The following WNK1 variants were observed in gnomAD, a reference collection of about 807,000 sequenced individuals.
The protein encoded by WNK1 is WNK lysine deficient protein kinase 1.
Under a neutral mutation model 222.8 loss-of-function variants are expected in WNK1, and 38 were observed. The observed-to-expected ratio is 0.17, with a 90% confidence interval of 0.13 to 0.22. WNK1 has a LOEUF of 0.22. Among genes scored for constraint, WNK1 ranks in the 10% least tolerant of loss-of-function variants. The probability of loss-of-function intolerance (pLI) is 1.00; values close to 1 mark genes in which losing one functional copy is unlikely to be tolerated. For missense variants in WNK1, 2,348 were observed against 2,918.4 expected (o/e 0.80, Z 4.50); for synonymous variants, 1,090 against 1,092.9 (o/e 1.00, Z 0.05).
chr12:825,245 A>C (rs1242320766), intron 2 of WNK1, among the ~76,000 whole-genome samples: 2 of 152,206 alleles, frequency 1.3e-5, no homozygotes, highest in Non-Finnish European at 2.9e-5. Flanking sequence ...TTTAAACCAT[A>C]AAACCCACTT....
chr12:824,020 C>T (rs1031186703), intron 2 of WNK1, among the ~76,000 whole-genome samples: 1 of 150,640 alleles, frequency 6.6e-6, no homozygotes, highest in South Asian at 2.1e-4. Flanking sequence ...GATTCTCCAA[C>T]CTCAGCCTCC....
intron 5 of WNK1, among the ~76,000 whole-genome samples, chr12:858,919 A>C (rs1185081061): frequency 6.6e-6 from 1 of 152,208 alleles, no homozygotes; most frequent in African/African-American, 2.4e-5. Context: ...ACTATTACTA[A>C]TAAGATCATT....
At chr12:890,831 A>C (rs1954152909) in intron 22 of WNK1, among the ~76,000 whole-genome samples, 2 of 152,210 alleles carry the variant, frequency 1.3e-5, no homozygotes, top group Admixed American at 6.5e-5. Context: ...CTTTTGTGAC[A>C]CTGGATATAT....
chr12:814,313 T>A (rs1222104115), intron 2 of WNK1, among the ~76,000 whole-genome samples: 1 of 145,860 alleles, frequency 6.9e-6, no homozygotes, highest in Non-Finnish European at 1.5e-5. Context: ...TAGGTGAGAC[T>A]CTGTCTCCAA....
At chr12:895,435 CTTTTA>C (rs1325488657) in intron 23 of WNK1, among the ~76,000 whole-genome samples, 1 of 151,848 alleles carries the variant, frequency 6.6e-6, no homozygotes, top group Admixed American at 6.6e-5. Flanking sequence ...TATTTATTTA[CTTTTA>C]TTTTATTTTT....
At chr12:758,480 TG>T (rs1310567969) in intron 1 of WNK1, among the ~76,000 whole-genome samples, 1 of 132,748 alleles carries the variant, frequency 7.5e-6, no homozygotes, top group Non-Finnish European at 1.6e-5. Flanking sequence ...CTCCACTTCC[TG>T]GGTTCACGCC....
chr12:850,696 G>T (rs1386537155), intron 4 of WNK1, among the ~76,000 whole-genome samples: 1 of 152,184 alleles, frequency 6.6e-6, no homozygotes, highest in Non-Finnish European at 1.5e-5. Flanking sequence ...GGTTTTTATG[G>T]TTTTAGGTCT....
At chr12:905,158 G>C (rs1955593756) in intron 26 of WNK1, among the ~76,000 whole-genome samples, 1 of 152,130 alleles carries the variant, frequency 6.6e-6, no homozygotes, top group African/African-American at 2.4e-5. Context: ...ACTTATTAGG[G>C]CTTTTCAGAA....
chr12:908,344 A>C, intron 27 of WNK1, 131 bp from the exon 28 acceptor site: 1 of 1,007,040 alleles, frequency 9.9e-7, no homozygotes, highest in Non-Finnish European at 1.5e-6. Context: ...TGGTAAATAT[A>C]AAGAGCCAAT....
chr12:884,863 A>G lies in WNK1; in HGVS notation c.4059A>G (p.Thr1353=). 6.2e-7 allele frequency: 1 copy of G among 1,614,192 alleles called. No homozygotes were observed. Among genetic ancestry groups the G allele is most frequent in the Non-Finnish European group, 8.5e-7 (1 of 1,180,036 alleles). ...GAGTCCCAACCACAGCAGCAGCCAC[A>G]GCACCAGTCCCTGCAACAAGCAGCC... ...IAGVPTTAAA[T]APVPATSSPP... is the part of the protein sequence containing the mutation. The change falls in exon 19 of 28, where the codon ACA becomes ACG. Residue 1353 remains threonine, a synonymous_variant. Transcript: ENST00000315939. This position sits in a 1 kb window ranked among gnomAD's most constrained non-coding sequence, Gnocchi z 5.6.
At position 753,220 on chromosome 12, in the gene WNK1, C is replaced by G; in HGVS notation, c.-346C>G. ...CTCGGTGCCGGCCCCTGGCCCTCCC[C>G]TCATGACTGCGGCGCCTCTGCTGCC... On this transcript the variant is annotated 5_prime_UTR_variant, in exon 1 of 28. Coordinates refer to ENST00000315939, the MANE Select transcript of WNK1 (RefSeq NM_018979.4). The surrounding 1 kb of genome is among the most constrained non-coding windows in gnomAD (Gnocchi z 5.2). 1 of 274,436 alleles carries G rather than the reference C, an allele frequency of 3.6e-6. No homozygotes were observed. Among genetic ancestry groups the G allele is most frequent in the South Asian group, 5.3e-5 (1 of 19,030 alleles). The allele number at this position is 274,436 out of a possible 1,614,324, so 17.0% of individuals were successfully genotyped here.
intron 19 of WNK1, 63 bp downstream of exon 19, chr12:886,147 A>G (rs1396818280): frequency 4.4e-6 from 6 of 1,370,478 alleles, no homozygotes; most frequent in Non-Finnish European, 5.0e-6. Flanking sequence ...CCTAATGAGT[A>G]CATTTTTCAC....
Sources: gnomAD v4.1 joint callset for allele counts (sites outside exome capture counted in the v4.1 genomes callset) on GRCh38, gnomAD v4.1.1 for gene constraint, Gnocchi (gnomAD v3.1) non-coding constraint, MANE v1.5 for transcripts, NCBI Gene and HGNC (gene_info 2026-07-23, HGNC 2026-07-21) for gene names.